The following PLCE1 variants were observed in gnomAD, a reference collection of about 807,000 sequenced individuals.
PLCE1 encodes the protein 1-phosphatidylinositol 4,5-bisphosphate phosphodiesterase epsilon-1.
In PLCE1, 119 loss-of-function variants were observed where a neutral mutation model predicts 242.8. The ratio of observed to expected loss-of-function variants is 0.49; its 90% CI spans 0.42 to 0.57. The LOEUF (loss-of-function observed/expected upper bound fraction) is 0.57. PLCE1 is among the 20% of genes least tolerant of loss of function. The pLI, the probability that PLCE1 is intolerant of heterozygous loss-of-function variation, is 0.00. For missense variants in PLCE1, 2,441 were observed against 2,788.8 expected, an observed-to-expected ratio of 0.88 and a Z score of 2.81; for synonymous variants, 945 against 1,017.4, an observed-to-expected ratio of 0.93 and a Z score of 1.35.
chr10:94,218,207 A>T (rs2049596082), intron 4 of PLCE1, among the ~76,000 whole-genome samples: 2 of 152,196 alleles, frequency 1.3e-5, no homozygotes, highest in African/African-American at 4.8e-5. Flanking sequence ...TATACTTAAC[A>T]CATTCTAAAA....
At chr10:94,235,662 T>A (rs1474053968) in intron 6 of PLCE1, 10 of 858,264 alleles carry the variant, frequency 1.2e-5, no homozygotes, top group Non-Finnish European at 1.1e-5. Context: ...TGAAATAATA[T>A]TTTTTTTGTT....
At chr10:94,269,778 C>T (rs1202660532) in intron 17 of PLCE1, among the ~76,000 whole-genome samples, 1 of 152,130 alleles carries the variant, frequency 6.6e-6, no homozygotes, top group Non-Finnish European at 1.5e-5. Context: ...AGCATCAGTT[C>T]CACCTAAGAA....
intron 2 of PLCE1, among the ~76,000 whole-genome samples, chr10:94,083,253 A>T (rs1052290305): frequency 4.6e-5 from 7 of 152,228 alleles, no homozygotes; most frequent in African/African-American, 1.7e-4. Context: ...ATAAAATAAC[A>T]TCAGGGTGTA....
At position 94,306,710 on chromosome 10, in the gene PLCE1, G is replaced by A. The variant is rs1304714763; in HGVS notation, c.5884+22G>A. 2.5e-6 allele frequency: 4 copies of A among 1,578,778 alleles called. No homozygotes were observed. The highest frequency in any genetic ancestry group is 1.3e-5 in the African/African-American group (1 of 74,256). ...CGAGGTAGAATAAAATTGTCCAAAT[G>A]TTAATAATTGTTGTAGCTAGGTGAT... On this transcript the variant is annotated intron_variant, in intron 26 of 32. Transcript: ENST00000371380. The surrounding 1 kb of genome is among the most constrained non-coding windows in gnomAD (Gnocchi z 5.7).
intron 17 of PLCE1, 41 bp from the exon 18 acceptor site, chr10:94,270,445 A>T: frequency 7.7e-7 from 1 of 1,295,370 alleles, no homozygotes; most frequent in African/African-American, 1.5e-5. Context: ...GACCACCTTG[A>T]CAGATATCTG....
chr10:94,216,240 T>C (rs774224882), intron 4 of PLCE1, among the ~76,000 whole-genome samples: 5 of 152,078 alleles, frequency 3.3e-5, no homozygotes, highest in Non-Finnish European at 7.4e-5. Flanking sequence ...CAGCCAATGA[T>C]AGAGTCAGCA....
In PLCE1 at chr10:94,061,966, G is replaced by A. The variant is rs151140309; in HGVS notation, c.1206+29714G>A. Among the ~76,000 whole-genome samples, 30 of 152,326 alleles carry A rather than the reference G, an allele frequency of 2.0e-4. No individual in the cohort carries two copies. The East Asian group carries it at 3.5e-3, about 18-fold the overall frequency. ...GCTTGACCTCTTCCAACTACATGCC[G>A]TTGGGCAAGTTTCTTGACCTTTGTG... On this transcript the variant is annotated intron_variant, in intron 2 of 32. Transcript: ENST00000371380.
chr10:94,317,838 T>A (rs1261091702), intron 29 of PLCE1, among the ~76,000 whole-genome samples: 1 of 152,160 alleles, frequency 6.6e-6, no homozygotes, highest in Non-Finnish European at 1.5e-5. Context: ...ATGTTGATAG[T>A]CAAGCAGTTG....
chr10:94,181,402 C>G (rs1427567425), intron 4 of PLCE1, among the ~76,000 whole-genome samples: 1 of 151,872 alleles, frequency 6.6e-6, no homozygotes, highest in Non-Finnish European at 1.5e-5. Flanking sequence ...GAAACCCCGT[C>G]TCTACTAAAA....
chr10:94,013,641 G>A lies in PLCE1; in HGVS notation c.-364-17042G>A, dbSNP rs74916931. Among the ~76,000 whole-genome samples, 615 of 152,332 alleles carry A rather than the reference G, an allele frequency of 4.0e-3. 29 individuals are homozygous for A. The East Asian group carries it at 0.1, about 26-fold the overall frequency. ...CAAGTAGCACATTCTCAGCTCTCAG[G>A]AAATTCTAGTTCTAGTCTGGGGAGG... On this transcript the variant is annotated intron_variant, in intron 1 of 32. Transcript: ENST00000371380.
chr10:94,039,416 C>T (rs1303148417), intron 2 of PLCE1, among the ~76,000 whole-genome samples: 3 of 151,034 alleles, frequency 2.0e-5, no homozygotes, highest in Non-Finnish European at 4.4e-5. Context: ...GAGTCTTGCT[C>T]TGTTGCCCAG....
chr10:94,099,093 G>A (rs566537927), intron 2 of PLCE1, among the ~76,000 whole-genome samples: 1 of 152,354 alleles, frequency 6.6e-6, no homozygotes, highest in Non-Finnish European at 1.5e-5. Context: ...GCAGCTCAGT[G>A]TTGGGAAGTC....
chr10:94,146,925 G>T (rs1394001556), intron 3 of PLCE1, among the ~76,000 whole-genome samples: 1 of 152,162 alleles, frequency 6.6e-6, no homozygotes, highest in Non-Finnish European at 1.5e-5. Context: ...GGGCTGGAAA[G>T]GTTCCAGGTA....
chr10:94,254,344 T>C, intron 10 of PLCE1, 37 bp downstream of exon 10: 1 of 1,426,240 alleles, frequency 7.0e-7, no homozygotes, highest in South Asian at 1.1e-5. Context: ...TTTTTGTTTT[T>C]TAATTTTTGT....
intron 22 of PLCE1, among the ~76,000 whole-genome samples, chr10:94,290,351 C>T (rs1189518551): frequency 6.6e-6 from 1 of 150,976 alleles, no homozygotes; most frequent in Non-Finnish European, 1.5e-5. Context: ...TTTTTTTTCC[C>T]ATTCTGTGAC....
intron 2 of PLCE1, among the ~76,000 whole-genome samples, chr10:94,090,847 G>A (rs545829986): frequency 6.6e-6 from 1 of 152,174 alleles, no homozygotes; most frequent in African/African-American, 2.4e-5. Context: ...TCTTTTAGTG[G>A]GATGGCTAAT....
At chr10:94,185,316 GAAACCCT>G (rs2048439590) in intron 4 of PLCE1, among the ~76,000 whole-genome samples, 6 of 152,244 alleles carry the variant, frequency 3.9e-5, no homozygotes, top group African/African-American at 1.2e-4. Flanking sequence ...CTAATAGGGT[GAAACCCT>G]GTCTCTACTA....
intron 2 of PLCE1, among the ~76,000 whole-genome samples, chr10:94,035,185 T>C (rs1459101801): frequency 1.3e-5 from 2 of 152,232 alleles, no homozygotes. Flanking sequence ...TAAAAAATCA[T>C]GTACACTCGA....
intron 13 of PLCE1, among the ~76,000 whole-genome samples, chr10:94,261,755 G>C (rs1416112140): frequency 6.6e-6 from 1 of 152,064 alleles, no homozygotes; most frequent in Admixed American, 6.5e-5. Context: ...ACAGTACTTG[G>C]TATTTACCCA....
Sources: gnomAD v4.1 joint callset for allele counts (sites outside exome capture counted in the v4.1 genomes callset) on GRCh38, gnomAD v4.1.1 for gene constraint, Gnocchi (gnomAD v3.1) non-coding constraint, MANE v1.5 for transcripts, NCBI Gene and HGNC (gene_info 2026-07-23, HGNC 2026-07-21) for gene names.